PKD2: variants seen among roughly 807,000 people sequenced by gnomAD.
PKD2 encodes polycystin 2, transient receptor potential cation channel, also known as polycystin-2.
In PKD2, 48 loss-of-function variants were observed where a neutral mutation model predicts 105.9. The ratio of observed to expected loss-of-function variants is 0.45; its 90% CI spans 0.36 to 0.58. The LOEUF (loss-of-function observed/expected upper bound fraction) is 0.58, where lower values mean the gene tolerates loss of function less well. PKD2 is among the 20% of genes least tolerant of loss of function. PKD2 has a pLI of 0.00. For missense variants in PKD2, 1,078 were observed against 1,255.3 expected (o/e 0.86, Z 2.13); for synonymous variants, 464 against 481.1 (o/e 0.96, Z 0.46).
intron 6 of PKD2, among the ~76,000 whole-genome samples, chr4:88,048,925 C>G (rs762361339): frequency 1.1e-4 from 16 of 152,168 alleles, no homozygotes; most frequent in Non-Finnish European, 1.9e-4. Flanking sequence ...ACAATTATTC[C>G]AGAACACAAT....
At chr4:88,010,918 A>G (rs1205885345) in intron 1 of PKD2, among the ~76,000 whole-genome samples, 1 of 152,234 alleles carries the variant, frequency 6.6e-6, no homozygotes, top group African/African-American at 2.4e-5. Context: ...CATTGTATCT[A>G]ATCAAGGAAT....
intron 2 of PKD2, among the ~76,000 whole-genome samples, chr4:88,021,502 T>A (rs993107568): frequency 6.6e-6 from 1 of 152,202 alleles, no homozygotes; most frequent in Non-Finnish European, 1.5e-5. Flanking sequence ...AAAAATTTTG[T>A]TTTTGGAATA....
chr4:88,011,927 G>C (rs997081045), intron 1 of PKD2, among the ~76,000 whole-genome samples: 3 of 150,976 alleles, frequency 2.0e-5, no homozygotes, highest in African/African-American at 7.4e-5. Context: ...TTGCCCCTCA[G>C]GGGACATTTG....
At chr4:88,018,219 A>G (rs1386519609) in intron 1 of PKD2, among the ~76,000 whole-genome samples, 1 of 152,198 alleles carries the variant, frequency 6.6e-6, no homozygotes, top group East Asian at 1.9e-4. Context: ...TTTTGAATTC[A>G]GTGCTGATTT....
Position 88,075,530 on chromosome 4 carries a change from C to A in PKD2, c.2743C>A (p.Arg915Ser). ...MERLVREELE[R>S]WESDDAASQI... ...ACGGCTAGTACGTGAAGAGTTGGAA[C>A]GCTGGGAATCCGATGATGCAGCTTC... The change falls in exon 15 of 15, where the codon CGC becomes AGC. Residue 915 changes from arginine (R) to serine (S), a missense_variant. Coordinates refer to ENST00000237596, the MANE Select transcript of PKD2 (RefSeq NM_000297.4). 1 of 1,614,096 alleles carries A rather than the reference C, an allele frequency of 6.2e-7. No homozygotes were observed. Among genetic ancestry groups the A allele is most frequent in the Non-Finnish European group, 8.5e-7 (1 of 1,179,972 alleles).
chr4:88,019,499 C>A lies in PKD2; in HGVS notation c.637C>A (p.Arg213=). 1 of 1,606,782 alleles carries A rather than the reference C, an allele frequency of 6.2e-7. No homozygotes were observed. Among genetic ancestry groups the A allele is most frequent in the Non-Finnish European group, 8.5e-7 (1 of 1,173,510 alleles). ...ACTCATGGAGGAAAGCAGCACTAAC[C>A]GAGAGAAATACCTTAAAAGTGTTTT... ...TRLMEESSTN[R]EKYLKSVLRE... Residue 213 remains arginine (R), a synonymous_variant, in exon 2 of 15, where the codon CGA becomes AGA. Coordinates refer to ENST00000237596, the MANE Select transcript of PKD2 (RefSeq NM_000297.4).
At chr4:88,012,046 C>T (rs1425505699) in intron 1 of PKD2, among the ~76,000 whole-genome samples, 1 of 151,788 alleles carries the variant, frequency 6.6e-6, no homozygotes, top group Non-Finnish European at 1.5e-5. Context: ...ACAGCCACCC[C>T]ACACACACAC....
chr4:88,009,446 G>C (rs1186275268), intron 1 of PKD2, among the ~76,000 whole-genome samples: 1 of 151,682 alleles, frequency 6.6e-6, no homozygotes, highest in African/African-American at 2.4e-5. Context: ...TTAGCTGTAC[G>C]ACCTTGAGCA....
rs1021224022 is a variant in PKD2, at chr4:88,065,783, G to C, written c.2262G>C (p.Glu754Asp). ...TCAGGAAGGGCCATACTGATGCAGA[G>C]ATTGAGGCAATATTCACAAAGTACG... ...DLKGKGHTDA[E>D]IEAIFTKYDQ... The change falls in exon 12 of 15, where the codon GAG becomes GAC. Residue 754 changes from glutamate to aspartate, a missense_variant. By Grantham distance (45) the Glu-to-Asp change is conservative. Around this residue, in one of 2 missense-constraint regions of PKD2, gnomAD observed 868 missense variants for 1,067.3 expected, o/e 0.81. Coordinates refer to ENST00000237596, the MANE Select transcript of PKD2 (RefSeq NM_000297.4). 1 of 1,612,282 alleles carries C rather than the reference G, an allele frequency of 6.2e-7. No homozygotes were observed. The highest frequency in any genetic ancestry group is 1.7e-5 in the Admixed American group (1 of 59,986).
intron 2 of PKD2, among the ~76,000 whole-genome samples, chr4:88,029,936 C>T (rs1727086393): frequency 6.6e-6 from 1 of 152,152 alleles, no homozygotes; most frequent in Non-Finnish European, 1.5e-5. Context: ...GACCAGGGGC[C>T]AGACCTGTAG....
At chr4:88,070,083 AT>A (rs1286969144) in intron 13 of PKD2, among the ~76,000 whole-genome samples, 1 of 152,118 alleles carries the variant, frequency 6.6e-6, no homozygotes, top group Non-Finnish European at 1.5e-5. Context: ...TTCCTTTAGT[AT>A]TTTTTGTAAA....
At chr4:88,057,570 A>G (rs1387557574) in intron 8 of PKD2, among the ~76,000 whole-genome samples, 1 of 151,062 alleles carries the variant, frequency 6.6e-6, no homozygotes, top group Non-Finnish European at 1.5e-5. Flanking sequence ...CGAATAGCTG[A>G]GATTATGGGC....
chr4:88,071,661 T>G (rs2725204), intron 13 of PKD2, among the ~76,000 whole-genome samples: 14,981 of 152,152 alleles, frequency 0.098, 856 homozygotes, highest in East Asian at 0.24. Flanking sequence ...TGTTTTTATT[T>G]CTCTTTGCTT....
At chr4:88,055,581 C>T (rs772106144) in intron 7 of PKD2, among the ~76,000 whole-genome samples, 1 of 151,728 alleles carries the variant, frequency 6.6e-6, no homozygotes, top group Non-Finnish European at 1.5e-5. Flanking sequence ...TCAAGCGATC[C>T]TCCTGCCTCA....
At chr4:88,044,545 C>T (rs980241974) in intron 5 of PKD2, among the ~76,000 whole-genome samples, 1 of 152,046 alleles carries the variant, frequency 6.6e-6, no homozygotes, top group Non-Finnish European at 1.5e-5. Context: ...ATGCTTAAGA[C>T]CAGAATGTTT....
At position 88,023,623 on chromosome 4, in the gene PKD2, T is replaced by C. The variant is rs1176701002; in HGVS notation, c.709+4052T>C. Among the ~76,000 whole-genome samples the C allele has an allele frequency of 4.6e-5, 7 of 152,166 alleles. No homozygotes were observed. In the East Asian group the frequency reaches 7.7e-4, roughly 17 times the overall value. On this transcript the variant is annotated intron_variant, in intron 2 of 14. Coordinates refer to ENST00000237596, the MANE Select transcript of PKD2 (RefSeq NM_000297.4). ...AATCCCAGCTTCACTGCTAACATGC[T>C]AGGTAAATGTGGGCAAGTTAATTAA... is the stretch of plus-strand genomic sequence containing the variant.
At chr4:88,015,081 A>G (rs1239768769) in intron 1 of PKD2, among the ~76,000 whole-genome samples, 1 of 152,234 alleles carries the variant, frequency 6.6e-6, no homozygotes, top group African/African-American at 2.4e-5. Context: ...CAGATGGGGA[A>G]GGTTAGTGTG....
intron 1 of PKD2, 71 bp downstream of exon 1, chr4:88,008,399 G>A: frequency 6.9e-7 from 1 of 1,453,854 alleles, no homozygotes; most frequent in Non-Finnish European, 9.1e-7. Flanking sequence ...GCCATCGCCC[G>A]CTGCGGCAGC....
intron 2 of PKD2, among the ~76,000 whole-genome samples, chr4:88,021,138 A>G (rs1480877069): frequency 6.6e-6 from 1 of 152,258 alleles, no homozygotes; most frequent in Admixed American, 6.5e-5. Context: ...CAAGCTTTAC[A>G]TATACAGACA....
Sources: gnomAD v4.1 joint callset for allele counts (sites outside exome capture counted in the v4.1 genomes callset) on GRCh38, gnomAD v4.1.1 for gene constraint, gnomAD v4.1.1 regional missense constraint, MANE v1.5 for transcripts, NCBI Gene and HGNC (gene_info 2026-07-23, HGNC 2026-07-21) for gene names.